The following PITPNM2 variants were observed in gnomAD, a reference collection of about 807,000 sequenced individuals.
The protein encoded by PITPNM2 is phosphatidylinositol transfer protein membrane associated 2, also known as membrane-associated phosphatidylinositol transfer protein 2.
Under a neutral mutation model 132.2 loss-of-function variants are expected in PITPNM2, and 35 were observed. The observed-to-expected ratio is 0.26, with a 90% CI of 0.20 to 0.35. The LOEUF (loss-of-function observed/expected upper bound fraction) is 0.35, where lower values mean the gene tolerates loss of function less well. PITPNM2 is among the 10% of genes least tolerant of loss of function. The pLI is 1.00. For missense variants in PITPNM2, 1,332 were observed against 1,912.0 expected (o/e 0.70, Z 5.66); for synonymous variants, 738 against 799.2 (o/e 0.92, Z 1.29).
chr12:123,104,016 C>T (rs563030299), intron 2 of PITPNM2, among the ~76,000 whole-genome samples: 106 of 152,202 alleles, frequency 7.0e-4, no homozygotes, highest in African/African-American at 2.3e-3. Flanking sequence ...GTTGAACCTC[C>T]GGGTTCAAGC....
chr12:123,075,737 T>C (rs1370832150), intron 2 of PITPNM2: 1 of 152,308 alleles, frequency 6.6e-6, no homozygotes, highest in Non-Finnish European at 1.5e-5. Context: ...CGTGAAGTTA[T>C]ACTTTAGAGC....
chr12:123,080,807 C>T lies in PITPNM2; in HGVS notation c.-96+29578G>A, dbSNP rs1476219763. On this transcript the variant is annotated intron_variant, in intron 2 of 25. Coordinates refer to ENST00000320201, the MANE Select transcript of PITPNM2 (RefSeq NM_020845.3). ...TCAGCTTCTTCAGCTGTGAATGGGG[C>T]AACAATCTCTACCCCATGGGTTTGC... Among the ~76,000 whole-genome samples the T allele has an allele frequency of 2.6e-5, 4 of 152,314 alleles. 1 individual carries two copies. In the East Asian group the frequency reaches 7.7e-4, roughly 29 times the overall value.
At position 123,083,039 on chromosome 12, in the gene PITPNM2, C is replaced by T. The variant is rs531777096; in HGVS notation, c.-96+27346G>A. ...ATGTCTTATGGGTTCATCCATGTGT[C>T]GTAGCATGTTCTTTTTAAAATATTG... On this transcript the variant is annotated intron_variant, in intron 2 of 25. Coordinates refer to ENST00000320201, the MANE Select transcript of PITPNM2 (RefSeq NM_020845.3). This position sits in a 1 kb window ranked among gnomAD's most constrained non-coding sequence, Gnocchi z 4.5. 1.3e-5 allele frequency: 2 copies of T among 152,248 alleles called. No homozygotes were observed. Among genetic ancestry groups the T allele is most frequent in the South Asian group, 2.1e-4 (1 of 4,822 alleles). The allele number at this position is 152,248 out of a possible 1,614,324, so 9.4% of individuals were successfully genotyped here.
rs751974164 is a variant in PITPNM2 at position 122,995,605 on chromosome 12, C to T, written c.1838G>A (p.Gly613Asp). 26 of 1,605,186 alleles carry T rather than the reference C, an allele frequency of 1.6e-5. No homozygotes were observed. The highest frequency in any genetic ancestry group is 2.7e-5 in the African/African-American group (2 of 74,888). The change falls in exon 14 of 26, where the codon GGT becomes GAT. Residue 613 changes from glycine to aspartate, a missense_variant. This residue lies in a region of PITPNM2 where 710 missense variants were observed against 911.5 expected (regional missense o/e 0.78). Transcript: ENST00000320201. ...ACCACCGCCACCGCCGCCACCGCCACCACCGCAGCAGTGTGCTGCATTCAT... is the reference window on the plus strand; with the variant it reads ...ACCACCGCCACCGCCGCCACCGCCATCACCGCAGCAGTGTGCTGCATTCAT... Reference protein sequence around the residue: ...ILMNAAHCCGGGGGGGGGGGS... With the variant: ...ILMNAAHCCGDGGGGGGGGGS...
rs1388811518 is a variant in PITPNM2, at chr12:122,992,194, C to T, written c.2404+305G>A. Among the ~76,000 whole-genome samples, 1 of 152,144 alleles carries T rather than the reference C, an allele frequency of 6.6e-6. No individual in the cohort carries two copies. The highest frequency in any genetic ancestry group is 1.9e-4 in the East Asian group (1 of 5,176). ...AGCTCTGTCTCTGTTGGGATGGAGG[C>T]TCAGCTGTGGAGAGGGGAGTCTGGT... On this transcript the variant is annotated intron_variant, in intron 16 of 25. Transcript: ENST00000320201. The surrounding 1 kb of genome is among the most constrained non-coding windows in gnomAD (Gnocchi z 6.5).
intron 1 of PITPNM2, among the ~76,000 whole-genome samples, chr12:123,128,467 TG>T (rs1555299527): frequency 2.1e-5 from 2 of 93,746 alleles, no homozygotes; most frequent in African/African-American, 4.1e-5. Flanking sequence ...AAAAAAAAGG[TG>T]GGGGGGCAGG....
At chr12:123,073,042 T>A (rs528244560) in intron 2 of PITPNM2, among the ~76,000 whole-genome samples, 3 of 152,196 alleles carry the variant, frequency 2.0e-5, no homozygotes, top group Non-Finnish European at 4.4e-5. Flanking sequence ...GAGCTCCCTA[T>A]CCCCTTCAGG....
intron 2 of PITPNM2, chr12:123,090,287 T>C (rs1203523263): frequency 2.0e-5 from 3 of 152,234 alleles, no homozygotes; most frequent in Non-Finnish European, 4.4e-5. Flanking sequence ...TCTGAACCTT[T>C]CCAGAGAGCT....
At chr12:123,042,598 G>A (rs757227196) in intron 2 of PITPNM2, among the ~76,000 whole-genome samples, 16 of 152,142 alleles carry the variant, frequency 1.1e-4, no homozygotes, top group Non-Finnish European at 1.9e-4. Context: ...AGTGGGAAGC[G>A]AGGGAGCCAC....
intron 1 of PITPNM2, among the ~76,000 whole-genome samples, chr12:123,136,860 G>A (rs2043392620): frequency 6.6e-6 from 1 of 152,156 alleles, no homozygotes. Context: ...TTGTGCCACT[G>A]CACTCTGGCC....
intron 2 of PITPNM2, 80 bp from the exon 3 acceptor site, chr12:123,034,765 G>A (rs764771765): frequency 1.3e-5 from 8 of 598,192 alleles, no homozygotes; most frequent in Non-Finnish European, 2.4e-5. Flanking sequence ...GAAAGGCCCG[G>A]TCTACACCTG....
At chr12:123,032,159 C>T (rs2040116053) in intron 3 of PITPNM2, among the ~76,000 whole-genome samples, 1 of 152,154 alleles carries the variant, frequency 6.6e-6, no homozygotes, top group African/African-American at 2.4e-5. Flanking sequence ...TACATTCATT[C>T]GAGGCATAAG....
chr12:123,120,402 G>T (rs568845717), intron 1 of PITPNM2, among the ~76,000 whole-genome samples: 1 of 152,286 alleles, frequency 6.6e-6, no homozygotes, highest in East Asian at 1.9e-4. Flanking sequence ...CAGCCTCCTT[G>T]TCAAGAGTGC....
In PITPNM2 at chr12:123,005,931, C is replaced by A; in HGVS notation, c.644-383G>T. Reference sequence around the variant, plus strand: ...TGGGCAACGAAACAAGACCCTGTCTCTATAAAAAAAAAAAAAATTAAAAAA... The same window carrying A: ...TGGGCAACGAAACAAGACCCTGTCTATATAAAAAAAAAAAAAATTAAAAAA... On this transcript the variant is annotated intron_variant, in intron 6 of 25. Transcript: ENST00000320201. The surrounding 1 kb of genome is among the most constrained non-coding windows in gnomAD (Gnocchi z 6.2). 3.0e-5 allele frequency: 5 copies of A among 164,934 alleles called. No homozygotes were observed. Among genetic ancestry groups the A allele is most frequent in the African/African-American group, 5.2e-5 (2 of 38,482 alleles). The allele number at this position is 164,934 out of a possible 1,614,324, so 10.2% of individuals were successfully genotyped here. A position where few individuals can be genotyped will look rare whatever the true frequency, so the allele number is the denominator to read the frequency against.
Position 123,004,457 on chromosome 12 carries a change from T to A in PITPNM2, c.985A>T (p.Arg329Trp). The A allele has an allele frequency of 6.2e-7, 1 of 1,613,962 alleles. No homozygotes were observed. Among genetic ancestry groups the A allele is most frequent in the Non-Finnish European group, 8.5e-7 (1 of 1,180,026 alleles). The change falls in exon 8 of 26, where the codon AGG becomes TGG. Residue 329 changes from arginine (R) to tryptophan (W), a missense_variant. Around this residue, in one of 6 missense-constraint regions of PITPNM2, gnomAD observed 710 missense variants for 911.5 expected, o/e 0.78. Coordinates refer to ENST00000320201, the MANE Select transcript of PITPNM2 (RefSeq NM_020845.3). The surrounding 1 kb of genome is among the most constrained non-coding windows in gnomAD (Gnocchi z 4.9). ...GAGTCCCTGGCAATACTCTGCATCC[T>A]CCACTCTGAGATGCTGTGGCGGGAA... ...SPSRHSISEW[R>W]MQSIARDSDE...
intron 2 of PITPNM2, among the ~76,000 whole-genome samples, chr12:123,061,698 G>A (rs1438019158): frequency 6.6e-6 from 1 of 152,222 alleles, no homozygotes; most frequent in East Asian, 1.9e-4. Flanking sequence ...GAAAAAGGGG[G>A]AAGCCTGGGG....
chr12:123,147,680 G>A (rs2043645767), intron 1 of PITPNM2, among the ~76,000 whole-genome samples: 2 of 152,128 alleles, frequency 1.3e-5, no homozygotes, highest in African/African-American at 2.4e-5. Context: ...TGGAAGCCAA[G>A]GAGAAGAGGA....
At chr12:123,147,221 T>C (rs2043636612) in intron 1 of PITPNM2, among the ~76,000 whole-genome samples, 1 of 152,244 alleles carries the variant, frequency 6.6e-6, no homozygotes, top group African/African-American at 2.4e-5. Context: ...CTCTGAACTC[T>C]ACCTTCAACA....
intron 10 of PITPNM2, among the ~76,000 whole-genome samples, chr12:122,999,509 T>C (rs1472873139): frequency 2.6e-5 from 4 of 152,118 alleles, no homozygotes; most frequent in South Asian, 2.1e-4. Flanking sequence ...GGAGGTGACA[T>C]CCAGCGGTAC....
Sources: gnomAD v4.1 joint callset for allele counts (sites outside exome capture counted in the v4.1 genomes callset) on GRCh38, gnomAD v4.1.1 for gene constraint, gnomAD v4.1.1 regional missense constraint, Gnocchi (gnomAD v3.1) non-coding constraint, MANE v1.5 for transcripts, NCBI Gene and HGNC (gene_info 2026-07-23, HGNC 2026-07-21) for gene names.